Variants in RUNX1 observed in about 807,000 individuals in gnomAD.
RUNX1 encodes the protein RUNX family transcription factor 1, also known as runt-related transcription factor 1.
RUNX1 carries 19 observed loss-of-function variants against 42.8 expected under a neutral mutation model. That is an observed-to-expected ratio of 0.44 (90% CI 0.31 to 0.65). RUNX1 has a LOEUF of 0.65. Ranked by LOEUF, RUNX1 falls within the 30% of genes least tolerant of loss-of-function variation. The probability of loss-of-function intolerance (pLI) is 0.07; values close to 1 mark genes in which losing one functional copy is unlikely to be tolerated. For synonymous variants in RUNX1, 271 were observed against 289.4 expected (o/e 0.94, Z 0.64); for missense variants, 528 against 672.0 (o/e 0.79, Z 2.37).
Position 35,017,530 on chromosome 21 carries a change from T to C in RUNX1, c.58+31312A>G, listed in dbSNP as rs770420130. Among the ~76,000 whole-genome samples the C allele has an allele frequency of 5.4e-4, 82 of 152,202 alleles. 2 individuals are homozygous for C. The highest frequency in any genetic ancestry group is 2.4e-4 in the African/African-American group (10 of 41,458). Reference sequence around the variant, plus strand: ...CAGTTGTGATAGGGGCCAAGGAGACTGAAATGAGGACACCTGAGGTCTACT... The same window carrying C: ...CAGTTGTGATAGGGGCCAAGGAGACCGAAATGAGGACACCTGAGGTCTACT... On this transcript the variant is annotated intron_variant, in intron 2 of 8. Coordinates refer to ENST00000675419, the MANE Select transcript of RUNX1 (RefSeq NM_001754.5).
At position 34,886,737 on chromosome 21, in the gene RUNX1, C is replaced by T. The variant is rs997503395; in HGVS notation, c.351+106G>A. On this transcript the variant is annotated intron_variant, in intron 4 of 8. Coordinates refer to ENST00000675419, the MANE Select transcript of RUNX1 (RefSeq NM_001754.5). The stretch of plus-strand genomic sequence containing the variant: ...GAAGACCGACCCGGGGCTGCGGGGG[C>T]CCCTTTCCAGAATCCGGCCCCGCCC... 9 of 1,560,530 alleles carry T rather than the reference C, an allele frequency of 5.8e-6. No homozygotes were observed. The African/African-American group carries it at 9.5e-5, about 17-fold the overall frequency.
intron 2 of RUNX1, among the ~76,000 whole-genome samples, chr21:34,981,501 C>G (rs1338521546): frequency 1.3e-5 from 2 of 152,166 alleles, no homozygotes; most frequent in Non-Finnish European, 2.9e-5. Flanking sequence ...TTGCATGGAT[C>G]AGCTTAAGCT....
chr21:35,015,198 C>A (rs1056765139), intron 2 of RUNX1, among the ~76,000 whole-genome samples: 4 of 152,346 alleles, frequency 2.6e-5, no homozygotes, highest in Admixed American at 2.6e-4. Context: ...ATTTCAACTT[C>A]CACACCTGTG....
At chr21:34,816,232 C>A (rs2056824327) in intron 7 of RUNX1, among the ~76,000 whole-genome samples, 1 of 152,206 alleles carries the variant, frequency 6.6e-6, no homozygotes. Context: ...AGGAAAAATC[C>A]TTCCTCAACG....
chr21:34,873,903 T>C (rs1601502268), intron 5 of RUNX1, among the ~76,000 whole-genome samples: 1 of 152,200 alleles, frequency 6.6e-6, no homozygotes, highest in East Asian at 1.9e-4. Context: ...ATACAGACGT[T>C]GAAGTGCTGC....
chr21:34,946,845 T>C (rs2058566656), intron 2 of RUNX1, among the ~76,000 whole-genome samples: 1 of 152,244 alleles, frequency 6.6e-6, no homozygotes, highest in Admixed American at 6.5e-5. Context: ...TATGTGACTC[T>C]ACATGTAGGC....
intron 6 of RUNX1, among the ~76,000 whole-genome samples, chr21:34,841,337 AG>A (rs1313088833): frequency 6.6e-6 from 1 of 152,116 alleles, no homozygotes; most frequent in East Asian, 1.9e-4. Flanking sequence ...GTGATGCTTT[AG>A]CCCCAGAGAA....
At chr21:34,988,021 T>C (rs372607299) in intron 2 of RUNX1, among the ~76,000 whole-genome samples, 123 of 152,250 alleles carry the variant, frequency 8.1e-4, no homozygotes, top group African/African-American at 3.0e-3. Flanking sequence ...TCTTGCAGGA[T>C]TTTGTGGGGC....
At chr21:34,829,766 A>G (rs1185061378) in intron 7 of RUNX1, 2 of 152,222 alleles carry the variant, frequency 1.3e-5, no homozygotes, top group African/African-American at 4.8e-5. Flanking sequence ...TTTGTTTTCA[A>G]ACTTCAAATT....
intron 2 of RUNX1, among the ~76,000 whole-genome samples, chr21:34,980,110 T>C (rs2058836285): frequency 1.3e-5 from 2 of 152,278 alleles, no homozygotes; most frequent in South Asian, 2.1e-4. Context: ...GCAAAGGCTA[T>C]ATAAAGATCT....
intron 2 of RUNX1, among the ~76,000 whole-genome samples, chr21:34,954,039 T>G (rs1204493972): frequency 6.6e-6 from 1 of 152,234 alleles, no homozygotes; most frequent in Non-Finnish European, 1.5e-5. Context: ...AAGCATTGAC[T>G]AGTCATAGAC....
At chr21:34,841,033 G>A (rs149097953) in intron 6 of RUNX1, among the ~76,000 whole-genome samples, 1 of 152,102 alleles carries the variant, frequency 6.6e-6, no homozygotes, top group Non-Finnish European at 1.5e-5. Flanking sequence ...GCTGCACCTG[G>A]GAAGAAAGCC....
intron 2 of RUNX1, among the ~76,000 whole-genome samples, chr21:35,007,240 C>T (rs1434021126): frequency 4.6e-5 from 7 of 152,286 alleles, no homozygotes; most frequent in African/African-American, 1.2e-4. Flanking sequence ...GGCTACAGAA[C>T]GTTCATCTGC....
intron 2 of RUNX1, among the ~76,000 whole-genome samples, chr21:34,978,098 C>T (rs1364247204): frequency 4.6e-5 from 7 of 152,072 alleles, no homozygotes; most frequent in Non-Finnish European, 8.8e-5. Context: ...CCACCATGCC[C>T]GGCTAATTTT....
intron 2 of RUNX1, among the ~76,000 whole-genome samples, chr21:34,922,154 AGACAG>A (rs2058358746): frequency 6.6e-6 from 1 of 152,122 alleles, no homozygotes; most frequent in African/African-American, 2.4e-5. Flanking sequence ...CTAACAGAGG[AGACAG>A]GACTGTAAGT....
chr21:34,852,298 TG>T (rs1431283833), intron 6 of RUNX1, among the ~76,000 whole-genome samples: 1 of 152,128 alleles, frequency 6.6e-6, no homozygotes, highest in Non-Finnish European at 1.5e-5. Context: ...CTGCACCAGG[TG>T]GGTTACTGCC....
chr21:34,845,265 T>G (rs2057299479), intron 6 of RUNX1, among the ~76,000 whole-genome samples: 1 of 152,208 alleles, frequency 6.6e-6, no homozygotes, highest in African/African-American at 2.4e-5. Flanking sequence ...TTCACCTTGG[T>G]GACCACATTT....
rs192642504 is a variant in RUNX1, at chr21:34,936,120, A to G, written c.59-43157T>C. On this transcript the variant is annotated intron_variant, in intron 2 of 8. Transcript: ENST00000675419. ...GAAGCCCCCCTTTGAATCACAACAC[A>G]TATGTGAGTAATGACTGTGAATTGA... is the stretch of plus-strand genomic sequence containing the variant. Among the ~76,000 whole-genome samples the G allele has an allele frequency of 3.6e-3, 535 of 148,358 alleles. 5 individuals carry two copies. The highest frequency in any genetic ancestry group is 5.6e-3 in the Non-Finnish European group (376 of 67,068).
intron 2 of RUNX1, among the ~76,000 whole-genome samples, chr21:35,025,974 TA>T (rs981904074): frequency 3.3e-5 from 5 of 152,072 alleles, no homozygotes; most frequent in Admixed American, 3.3e-4. Context: ...AGAAGAATAA[TA>T]AAAAAGCACT....
Sources: allele counts gnomAD v4.1 joint callset (sites outside exome capture counted in the v4.1 genomes callset), GRCh38; gene constraint gnomAD v4.1.1; transcripts MANE v1.5; gene names NCBI Gene and HGNC (gene_info 2026-07-23, HGNC 2026-07-21).